CHN2: variants seen among roughly 807,000 people sequenced by gnomAD.
CHN2 encodes the protein chimerin 2, also known as beta-chimaerin.
In CHN2, 35 loss-of-function variants were observed where a neutral mutation model predicts 56.3. That is an observed-to-expected ratio of 0.62 (90% CI 0.47 to 0.82). The LOEUF is 0.82. Ranked by LOEUF, CHN2 falls within the 40% of genes least tolerant of loss-of-function variation. The pLI, the probability that CHN2 is intolerant of heterozygous loss-of-function variation, is 0.00. For missense variants in CHN2, 491 were observed against 580.5 expected, an observed-to-expected ratio of 0.85 and a Z score of 1.58; for synonymous variants, 210 against 212.8, an observed-to-expected ratio of 0.99 and a Z score of 0.12.
chr7:29,458,346 CAGT>C (rs909286734), intron 6 of CHN2, among the ~76,000 whole-genome samples: 3 of 150,700 alleles, frequency 2.0e-5, no homozygotes, highest in African/African-American at 7.3e-5. Context: ...GGGAATGAGA[CAGT>C]AGCTGTTTGT....
chr7:29,299,211 G>A (rs1009459488), intron 1 of CHN2, among the ~76,000 whole-genome samples: 4 of 152,144 alleles, frequency 2.6e-5, no homozygotes, highest in Admixed American at 6.5e-5. Flanking sequence ...TAGACCGGTC[G>A]GAGTTTCTCC....
intron 1 of CHN2, chr7:29,212,197 G>A: frequency 1.6e-6 from 1 of 620,474 alleles, no homozygotes; most frequent in Non-Finnish European, 2.8e-6. Context: ...TTTTGCTTCT[G>A]GAAGTCATAT....
In CHN2 at chr7:29,475,286, C is replaced by T. The variant is rs1585529551; in HGVS notation, c.577-4993C>T. 2.0e-5 allele frequency among the ~76,000 whole-genome samples: 3 copies of T among 152,230 alleles called. No individual in the cohort carries two copies. The South Asian group carries it at 6.2e-4, about 32-fold the overall frequency. On this transcript the variant is annotated intron_variant, in intron 6 of 12. Transcript: ENST00000222792. ...AGCTTATGTCACCATTTATTTATAG[C>T]CCCACCTACTTCCAGAAGTATCTTA... is the stretch of plus-strand genomic sequence containing the variant.
intron 1 of CHN2, among the ~76,000 whole-genome samples, chr7:29,347,678 C>T (rs1039073850): frequency 5.9e-5 from 9 of 152,126 alleles, no homozygotes; most frequent in African/African-American, 2.2e-4. Context: ...CAAGATGAAA[C>T]TTGAATTGAC....
At chr7:29,424,106 T>G (rs542012490) in intron 6 of CHN2, among the ~76,000 whole-genome samples, 6 of 152,350 alleles carry the variant, frequency 3.9e-5, no homozygotes, top group East Asian at 3.9e-4. Context: ...TGAAGTATTA[T>G]TCAAAGTAAG....
intron 2 of CHN2, among the ~76,000 whole-genome samples, chr7:29,180,235 T>C (rs1747109006): frequency 6.6e-6 from 1 of 152,144 alleles, no homozygotes; most frequent in Non-Finnish European, 1.5e-5. Context: ...GTACCAATAG[T>C]GACATCTAGG....
intron 2 of CHN2, among the ~76,000 whole-genome samples, chr7:29,155,696 A>T (rs1043743735): frequency 6.6e-6 from 1 of 152,144 alleles, no homozygotes; most frequent in African/African-American, 2.4e-5. Context: ...GTGTTTTTAA[A>T]TCCTGTCCTT....
At chr7:29,201,297 C>G (rs990632765) in intron 1 of CHN2, among the ~76,000 whole-genome samples, 3 of 152,122 alleles carry the variant, frequency 2.0e-5, no homozygotes, top group Non-Finnish European at 4.4e-5. Flanking sequence ...TACTTGACAG[C>G]AGAGCTAGAG....
chr7:29,280,689 C>T lies in CHN2; in HGVS notation c.50-73936C>T, dbSNP rs980847078. On this transcript the variant is annotated intron_variant, in intron 1 of 12. Coordinates refer to ENST00000222792, the MANE Select transcript of CHN2 (RefSeq NM_004067.4). The stretch of plus-strand genomic sequence containing the variant: ...CAGATGTTCAGCCATAAACTTGGAA[C>T]GTGAGAACAGCCTGGAAAGCCTGCC... Among the ~76,000 whole-genome samples the T allele has an allele frequency of 5.3e-5, 8 of 152,288 alleles. No homozygotes were observed. The East Asian group carries it at 5.8e-4, about 11-fold the overall frequency.
intron 1 of CHN2, among the ~76,000 whole-genome samples, chr7:29,248,198 G>A (rs1008027737): frequency 6.6e-6 from 1 of 152,248 alleles, no homozygotes; most frequent in African/African-American, 2.4e-5. Context: ...TGGAGAGAAA[G>A]TACTAGAGCA....
At chr7:29,438,101 A>G (rs940890022) in intron 6 of CHN2, among the ~76,000 whole-genome samples, 3 of 152,208 alleles carry the variant, frequency 2.0e-5, no homozygotes, top group Admixed American at 1.3e-4. Flanking sequence ...TGTCATGGAT[A>G]CTGGTGGGCA....
At chr7:29,211,374 G>A (rs575555712) in intron 1 of CHN2, among the ~76,000 whole-genome samples, 58 of 151,554 alleles carry the variant, frequency 3.8e-4, no homozygotes, top group African/African-American at 1.2e-3. Flanking sequence ...CACCGCGCCC[G>A]GCCCTGACTG....
rs139948053 is a variant in CHN2 at position 29,225,260 on chromosome 7, G to A, written c.49+30270G>A. Among the ~76,000 whole-genome samples, 236 of 152,214 alleles carry A rather than the reference G, an allele frequency of 1.6e-3. 1 individual carries two copies. Among genetic ancestry groups the A allele is most frequent in the African/African-American group, 5.3e-3 (221 of 41,518 alleles). On this transcript the variant is annotated intron_variant, in intron 1 of 12. Transcript: ENST00000222792. Reference sequence around the variant, plus strand: ...TCTAAATCAAGAGGAGGAAAGCATGGCCTAATCATAACATTGTTGTGTTGT... The same window carrying A: ...TCTAAATCAAGAGGAGGAAAGCATGACCTAATCATAACATTGTTGTGTTGT...
intron 1 of CHN2, among the ~76,000 whole-genome samples, chr7:29,321,758 C>T (rs1413500077): frequency 6.6e-6 from 1 of 151,970 alleles, no homozygotes; most frequent in Non-Finnish European, 1.5e-5. Flanking sequence ...TTAGTAGAGA[C>T]GGGGTTTCTC....
chr7:29,374,427 G>C (rs1052902108), intron 3 of CHN2, among the ~76,000 whole-genome samples: 5 of 151,454 alleles, frequency 3.3e-5, no homozygotes, highest in Non-Finnish European at 7.4e-5. Context: ...CTTTTTTATT[G>C]ACAAGTACTG....
At chr7:29,151,647 A>C (rs1321328122) in intron 2 of CHN2, among the ~76,000 whole-genome samples, 4 of 152,200 alleles carry the variant, frequency 2.6e-5, no homozygotes, top group African/African-American at 7.2e-5. Context: ...TATTATGATG[A>C]ACCTGCCAGT....
intron 1 of CHN2, among the ~76,000 whole-genome samples, chr7:29,217,514 T>A (rs950408866): frequency 1.3e-5 from 2 of 152,184 alleles, no homozygotes; most frequent in East Asian, 3.8e-4. Context: ...TAGCTGAAAA[T>A]GCCCTGAAAG....
chr7:29,394,426 C>T (rs60152274), intron 4 of CHN2, among the ~76,000 whole-genome samples: 11,026 of 152,218 alleles, frequency 0.072, 445 homozygotes, highest in African/African-American at 0.11. Context: ...TGTGAGGCAA[C>T]GTCTCTTTTG....
At chr7:29,463,813 C>A (rs1785356198) in intron 6 of CHN2, among the ~76,000 whole-genome samples, 1 of 152,190 alleles carries the variant, frequency 6.6e-6, no homozygotes, top group African/African-American at 2.4e-5. Context: ...TGTGTCCAAG[C>A]TCTGCTGGTG....
Sources: gnomAD v4.1 joint callset for allele counts (sites outside exome capture counted in the v4.1 genomes callset) on GRCh38, gnomAD v4.1.1 for gene constraint, MANE v1.5 for transcripts, NCBI Gene and HGNC (gene_info 2026-07-23, HGNC 2026-07-21) for gene names.